The following PRKN variants were observed in gnomAD, a reference collection of about 807,000 sequenced individuals.
PRKN encodes E3 ubiquitin-protein ligase parkin.
PRKN carries 56 observed loss-of-function variants against 59.5 expected under a neutral mutation model. That is an observed-to-expected ratio of 0.94 (90% CI 0.76 to 1.18). PRKN has a LOEUF of 1.18. Ranked by LOEUF, PRKN falls within the 50% of genes most tolerant of loss-of-function variation. The pLI is 0.00. For synonymous variants in PRKN, 250 were observed against 222.1 expected, an observed-to-expected ratio of 1.13 and a Z score of -1.12; for missense variants, 657 against 596.4, an observed-to-expected ratio of 1.10 and a Z score of -1.06.
At chr6:162,049,619 A>C (rs143761877) in intron 5 of PRKN, among the ~76,000 whole-genome samples, 3,624 of 152,256 alleles carry the variant, frequency 0.024, 69 homozygotes, top group Middle Eastern at 0.054. Flanking sequence ...TCCCTGTTCA[A>C]ATACAAATTT....
intron 4 of PRKN, among the ~76,000 whole-genome samples, chr6:162,166,072 G>C (rs1466605733): frequency 9.0e-6 from 1 of 111,496 alleles, no homozygotes; most frequent in African/African-American, 3.6e-5. Context: ...AAAAAAAAAA[G>C]AGAAATAAAA....
intron 7 of PRKN, among the ~76,000 whole-genome samples, chr6:161,757,580 G>A (rs957631646): frequency 6.6e-6 from 1 of 152,074 alleles, no homozygotes; most frequent in Non-Finnish European, 1.5e-5. Context: ...GCTTATGCCT[G>A]TAATCCCAGC....
intron 9 of PRKN, among the ~76,000 whole-genome samples, chr6:161,439,288 A>AAATCAAG (rs979593500): frequency 5.9e-5 from 9 of 152,344 alleles, no homozygotes; most frequent in Admixed American, 5.2e-4. Flanking sequence ...AACATGGAGG[A>AAATCAAG]AATCAAGAGG....
intron 6 of PRKN, among the ~76,000 whole-genome samples, chr6:161,822,513 T>C (rs550860341): frequency 2.0e-5 from 3 of 152,238 alleles, no homozygotes; most frequent in Non-Finnish European, 4.4e-5. Context: ...CCGTCTCAAC[T>C]AAAAATACAA....
chr6:161,623,031 C>T (rs936499090), intron 7 of PRKN, among the ~76,000 whole-genome samples: 9 of 152,088 alleles, frequency 5.9e-5, no homozygotes, highest in African/African-American at 2.2e-4. Flanking sequence ...ATTTCATGTG[C>T]TATAGCTATT....
At chr6:162,547,949 C>G (rs1051998685) in intron 1 of PRKN, among the ~76,000 whole-genome samples, 1 of 152,080 alleles carries the variant, frequency 6.6e-6, no homozygotes, top group Non-Finnish European at 1.5e-5. Flanking sequence ...TGGTCTCCCA[C>G]TATTCCTCAT....
intron 4 of PRKN, among the ~76,000 whole-genome samples, chr6:162,148,202 T>C (rs1412934587): frequency 6.6e-6 from 1 of 152,222 alleles, no homozygotes; most frequent in East Asian, 1.9e-4. Flanking sequence ...AATGTGCTGA[T>C]GAGTAAACAT....
intron 1 of PRKN, among the ~76,000 whole-genome samples, chr6:162,726,860 C>G (rs965865095): frequency 2.0e-5 from 3 of 152,166 alleles, no homozygotes; most frequent in Non-Finnish European, 4.4e-5. Context: ...CATTAATTTT[C>G]AGGGATAGCC....
At chr6:161,382,913 C>G (rs1050388398) in intron 10 of PRKN, among the ~76,000 whole-genome samples, 2 of 152,132 alleles carry the variant, frequency 1.3e-5, no homozygotes, top group African/African-American at 4.8e-5. Context: ...GAACAGAAAC[C>G]AATCAATGCT....
intron 8 of PRKN, among the ~76,000 whole-genome samples, chr6:161,557,434 G>A (rs1050027712): frequency 3.9e-5 from 6 of 152,084 alleles, no homozygotes; most frequent in African/African-American, 9.7e-5. Flanking sequence ...ATGAAGGAAC[G>A]GTTGCACGTT....
chr6:161,796,024 C>T (rs902440521), intron 6 of PRKN, among the ~76,000 whole-genome samples: 1 of 152,064 alleles, frequency 6.6e-6, no homozygotes, highest in East Asian at 1.9e-4. Context: ...CATAAATCTG[C>T]GTTTTAGGTT....
chr6:162,031,208 C>T (rs1473008339), intron 5 of PRKN, among the ~76,000 whole-genome samples: 2 of 151,380 alleles, frequency 1.3e-5, no homozygotes, highest in African/African-American at 4.9e-5. Flanking sequence ...CCTTTGGCTT[C>T]TTTCTGCACA....
rs540709445 is a variant in PRKN, at chr6:162,449,671, A to G, written c.8-6198T>C. ...ATACCATCCTCTAGTAGCTTGTTTCATAATTCTTTATTTCTGTCTTTGAAG... is the reference window on the plus strand; with the variant it reads ...ATACCATCCTCTAGTAGCTTGTTTCGTAATTCTTTATTTCTGTCTTTGAAG... On this transcript the variant is annotated intron_variant, in intron 1 of 11. Coordinates refer to ENST00000366898, the MANE Select transcript of PRKN (RefSeq NM_004562.3). Among the ~76,000 whole-genome samples the G allele has an allele frequency of 2.6e-5, 4 of 152,224 alleles. No homozygotes were observed. The East Asian group carries it at 7.7e-4, about 29-fold the overall frequency.
intron 5 of PRKN, among the ~76,000 whole-genome samples, chr6:162,003,207 CAA>C (rs60792069): frequency 0.51 from 64,538 of 125,568 alleles, 14,944 homozygotes; most frequent in African/African-American, 0.63. Context: ...AGGTTGTTGA[CAA>C]AAAAAAAAAA....
chr6:161,392,162 C>T (rs997777807), intron 9 of PRKN, among the ~76,000 whole-genome samples: 1 of 151,808 alleles, frequency 6.6e-6, no homozygotes, highest in Admixed American at 6.5e-5. Context: ...TGGTCTCGAA[C>T]CCTGACCTCG....
chr6:161,778,595 G>A (rs1036987760), intron 7 of PRKN, among the ~76,000 whole-genome samples: 4 of 152,168 alleles, frequency 2.6e-5, no homozygotes, highest in Admixed American at 1.3e-4. Flanking sequence ...CCACTCTTCA[G>A]AGAAATCAGC....
At chr6:161,572,204 C>A (rs1170174392) in intron 7 of PRKN, among the ~76,000 whole-genome samples, 4 of 152,112 alleles carry the variant, frequency 2.6e-5, no homozygotes, top group Non-Finnish European at 4.4e-5. Context: ...TTCCAAAATT[C>A]TATGGTCATG....
intron 7 of PRKN, among the ~76,000 whole-genome samples, chr6:161,719,663 T>C (rs1583050911): frequency 6.6e-6 from 1 of 152,186 alleles, no homozygotes; most frequent in South Asian, 2.1e-4. Flanking sequence ...TGTTCTCCTA[T>C]CATGATAAGA....
At chr6:162,077,280 T>C (rs185670426) in intron 4 of PRKN, among the ~76,000 whole-genome samples, 8 of 152,230 alleles carry the variant, frequency 5.3e-5, no homozygotes, top group Admixed American at 3.3e-4. Flanking sequence ...CTCAGAGCAA[T>C]AGGCTGACCT....
Sources: gnomAD v4.1 joint callset for allele counts (sites outside exome capture counted in the v4.1 genomes callset) on GRCh38, gnomAD v4.1.1 for gene constraint, MANE v1.5 for transcripts, NCBI Gene and HGNC (gene_info 2026-07-23, HGNC 2026-07-21) for gene names.